Variants in ZNF717 observed in about 807,000 individuals in gnomAD.
The protein encoded by ZNF717 is zinc finger protein 717.
A neutral mutation model predicts 13.8 loss-of-function variants in ZNF717; 9 were observed. The observed-to-expected ratio is 0.65, with a 90% CI of 0.39 to 1.14. The LOEUF is 1.14. Ranked by LOEUF, ZNF717 falls within the 50% of genes most tolerant of loss-of-function variation. ZNF717 has a pLI of 0.01. For synonymous variants in ZNF717, 327 were observed against 364.1 expected (o/e 0.90, Z 1.16); for missense variants, 1,040 against 1,080.7 (o/e 0.96, Z 0.53).
chr3:75,716,947 T>C (rs1406995358), intron 4 of ZNF717, among the ~76,000 whole-genome samples: 1 of 152,232 alleles, frequency 6.6e-6, no homozygotes, highest in Admixed American at 6.5e-5. Flanking sequence ...CCATTCACTA[T>C]GTTGTACATT....
chr3:75,735,531 G>A (rs1939064965), downstream of ZNF717, among the ~76,000 whole-genome samples: 1 of 151,582 alleles, frequency 6.6e-6, no homozygotes, highest in Non-Finnish European at 1.5e-5. Context: ...TGTAGTCCTA[G>A]CTAATTGGGA....
intron 2 of ZNF717, among the ~76,000 whole-genome samples, chr3:75,748,871 T>C (rs1941416666): frequency 6.6e-6 from 1 of 152,180 alleles, no homozygotes; most frequent in Non-Finnish European, 1.5e-5. Flanking sequence ...AAATACAGTG[T>C]ATTCAATTAG....
chr3:75,766,076 C>A (rs923259524), intron 2 of ZNF717, among the ~76,000 whole-genome samples: 1 of 152,150 alleles, frequency 6.6e-6, no homozygotes, highest in African/African-American at 2.4e-5. Context: ...CATTGCACTA[C>A]AGTCTGGGTG....
intron 2 of ZNF717, among the ~76,000 whole-genome samples, chr3:75,751,683 C>T (rs1464760874): frequency 5.7e-5 from 8 of 140,922 alleles, no homozygotes; most frequent in Admixed American, 5.0e-4. Context: ...AACACTCCTG[C>T]TGTGTTCTGA....
Position 75,737,990 on chromosome 3 carries a change from T to C in ZNF717, c.1633A>G (p.Ser545Gly), listed in dbSNP as rs200125588. 986 of 1,344,794 alleles carry C rather than the reference T, an allele frequency of 7.3e-4. 5 individuals are homozygous for C. In the African/African-American group the frequency reaches 0.013, roughly 18 times the overall value. 83.3% of individuals were successfully genotyped at this position (1,344,794 alleles called of 1,614,324 possible). A position where few individuals can be genotyped will look rare whatever the true frequency, so the allele number is the denominator to read the frequency against. Residue 545 changes from serine (S) to glycine (G), a missense_variant, in exon 5 of 5, where the codon AGC (serine) becomes GGC (glycine). Physicochemically the swap from Ser to Gly is moderately conservative, Grantham distance 56. This residue lies in a region of ZNF717 where 873 missense variants were observed against 832.8 expected (regional missense o/e 1.05). Transcript: ENST00000652011. The part of the protein sequence containing the change: ...YACNECGKTY[S>G]HKSYLTVHHR... ...TGTACTGTAAGGTATGACTTGTGGC[T>C]ATATGTTTTTCCACATTCGTTACAT...
chr3:75,737,397 C>T lies in ZNF717; in HGVS notation c.2226G>A (p.Lys742=). 6.4e-7 allele frequency: 1 copy of T among 1,553,288 alleles called. No homozygotes were observed. Among genetic ancestry groups the T allele is most frequent in the Non-Finnish European group, 8.7e-7 (1 of 1,147,986 alleles). Residue 742 remains lysine, a synonymous_variant, in exon 5 of 5, where the codon AAG becomes AAA. Transcript: ENST00000652011. ...TTCTATGATGTACAGTGAGGACTGA[C>T]TTCTGACAAGGTTTTTCCACATTTG... ...NVANVEKPCQ[K]SVLTVHHRTH...
chr3:75,730,584 G>A (rs1938472585), exon 6 of ZNF717: 3 of 700,418 alleles, frequency 4.3e-6, no homozygotes, highest in South Asian at 3.0e-5. Flanking sequence ...TGACAATTGG[G>A]AATACAGTTC....
rs1945098026 is a variant in ZNF717, at chr3:75,785,456, CCCCCCGGGATCCCCCGGG to C, written c.-93_-76del. ...CCACAACTGGGGAACACTGGTCCGGCCCCCCGGGATCCCCCGGGCCCACGGGTTCCTCTTCGCCCTCGC... is the reference window on the plus strand; with the variant it reads ...CCACAACTGGGGAACACTGGTCCGGCCCCACGGGTTCCTCTTCGCCCTCGC... On this transcript the variant is annotated 5_prime_UTR_variant, in exon 1 of 5. Coordinates refer to ENST00000652011, the MANE Select transcript of ZNF717 (RefSeq NM_001290208.3). 6.5e-6 allele frequency: 1 copy of C among 152,702 alleles called. No individual in the cohort carries two copies. The highest frequency in any genetic ancestry group is 2.1e-4 in the South Asian group (1 of 4,848). The allele number at this position is 152,702 out of a possible 1,614,324, so 9.5% of individuals were successfully genotyped here. A position where few individuals can be genotyped will look rare whatever the true frequency, so the allele number is the denominator to read the frequency against.
chr3:75,739,601 A>G (rs1445892550), intron 4 of ZNF717, among the ~76,000 whole-genome samples: 1 of 152,172 alleles, frequency 6.6e-6, no homozygotes, highest in African/African-American at 2.4e-5. Flanking sequence ...ACAAAGAATT[A>G]TTTGGTAATA....
At chr3:75,762,290 A>C (rs1943099594) in intron 2 of ZNF717, among the ~76,000 whole-genome samples, 1 of 151,808 alleles carries the variant, frequency 6.6e-6, no homozygotes, top group South Asian at 2.1e-4. Context: ...AATACCAAAA[A>C]ATTAGCTGGG....
chr3:75,757,930 T>C (rs905044768), intron 2 of ZNF717, among the ~76,000 whole-genome samples: 5 of 146,748 alleles, frequency 3.4e-5, no homozygotes, highest in African/African-American at 5.0e-5. Flanking sequence ...CTGGCCAACA[T>C]AGTGAAACCC....
At chr3:75,746,372 T>C (rs367880243) in intron 2 of ZNF717, among the ~76,000 whole-genome samples, 5 of 152,188 alleles carry the variant, frequency 3.3e-5, no homozygotes, top group Non-Finnish European at 7.3e-5. Flanking sequence ...AGTAGCATCA[T>C]TTATATTCTG....
downstream of ZNF717, among the ~76,000 whole-genome samples, chr3:75,705,268 C>A (rs1254075522): frequency 2.0e-5 from 3 of 152,264 alleles, no homozygotes; most frequent in African/African-American, 7.2e-5. Context: ...CGATCTGACT[C>A]CTATTTTGCA....
In ZNF717 at chr3:75,737,466, T is replaced by C; in HGVS notation, c.2157A>G (p.Arg719=). 7 of 1,555,332 alleles carry C rather than the reference T, an allele frequency of 4.5e-6. No homozygotes were observed. Among genetic ancestry groups the C allele is most frequent in the South Asian group, 1.2e-5 (1 of 84,260 alleles). ...ENPFIRRQIF[R]SIKVFTRGRN... ...TCCCCCGTGTGAATACCTTGATGCT[T>C]CTGAAGATTTGCCTTCTGATGAAAG... The change falls in exon 5 of 5, where the codon AGA becomes AGG. Residue 719 remains arginine (R), a synonymous_variant. Coordinates refer to ENST00000652011, the MANE Select transcript of ZNF717 (RefSeq NM_001290208.3).
downstream of ZNF717, among the ~76,000 whole-genome samples, chr3:75,726,352 G>C (rs1267670352): frequency 2.6e-5 from 4 of 152,260 alleles, no homozygotes; most frequent in East Asian, 1.9e-4. Flanking sequence ...GACAGGCACA[G>C]TGGCTCATGC....
At chr3:75,696,903 A>AC (rs1937609792) in intron 6 of ZNF717, among the ~76,000 whole-genome samples, 1 of 14,310 alleles carries the variant, frequency 7.0e-5, no homozygotes, top group African/African-American at 2.1e-4. Context: ...AAAAAAAAAA[A>AC]AAAAAAAAAA....
downstream of ZNF717, among the ~76,000 whole-genome samples, chr3:75,735,195 C>G (rs374351978): frequency 0.12 from 18,222 of 151,830 alleles, 405 homozygotes; most frequent in Middle Eastern, 0.19. Context: ...AACAATAACA[C>G]AAGACATAGG....
At chr3:75,715,154 T>C (rs1363353355) in intron 5 of ZNF717, among the ~76,000 whole-genome samples, 2 of 152,218 alleles carry the variant, frequency 1.3e-5, no homozygotes, top group African/African-American at 2.4e-5. Context: ...CCATGGCAGT[T>C]TGACTTTTTA....
chr3:75,708,963 G>A (rs562983981), downstream of ZNF717, among the ~76,000 whole-genome samples: 2 of 151,968 alleles, frequency 1.3e-5, no homozygotes, highest in South Asian at 4.2e-4. Context: ...GCAACAGAGG[G>A]AGGGGAGAAG....
Sources: gnomAD v4.1 joint callset for allele counts (sites outside exome capture counted in the v4.1 genomes callset) on GRCh38, gnomAD v4.1.1 for gene constraint, gnomAD v4.1.1 regional missense constraint, MANE v1.5 for transcripts, NCBI Gene and HGNC (gene_info 2026-07-23, HGNC 2026-07-21) for gene names.